The following SEL1L3 variants were observed in gnomAD, a reference collection of about 807,000 sequenced individuals.
SEL1L3 encodes SEL1L family member 3, also known as protein sel-1 homolog 3.
A neutral mutation model predicts 142.8 loss-of-function variants in SEL1L3; 76 were observed. That is an observed-to-expected ratio of 0.53 (90% CI 0.44 to 0.64). The LOEUF (loss-of-function observed/expected upper bound fraction) is 0.64, where lower values mean the gene tolerates loss of function less well. Ranked by LOEUF, SEL1L3 falls within the 30% of genes least tolerant of loss-of-function variation. The probability of loss-of-function intolerance (pLI) is 0.00; values close to 1 mark genes in which losing one functional copy is unlikely to be tolerated. For missense variants in SEL1L3, 1,262 were observed against 1,381.7 expected (o/e 0.91, Z 1.37); for synonymous variants, 504 against 519.6 (o/e 0.97, Z 0.41).
intron 2 of SEL1L3, among the ~76,000 whole-genome samples, chr4:25,839,541 A>G (rs1560347637): frequency 6.6e-6 from 1 of 152,204 alleles, no homozygotes; most frequent in Non-Finnish European, 1.5e-5. Flanking sequence ...GTACAGAAAA[A>G]TCTACTGTAT....
In SEL1L3 at chr4:25,748,216, T is replaced by C; in HGVS notation, c.*209A>G. ...TGCCCTATGATCAAGATGTTCCTTG[T>C]ATGTGTTTGATGACCTTTGGTATTA... is the stretch of plus-strand genomic sequence containing the variant. On this transcript the variant is annotated 3_prime_UTR_variant, in exon 24 of 24. Transcript: ENST00000399878. The C allele has an allele frequency of 2.5e-5, 14 of 554,882 alleles. No individual in the cohort carries two copies. The highest frequency in any genetic ancestry group is 2.9e-5 in the Non-Finnish European group (9 of 311,706). 34.4% of individuals were successfully genotyped at this position (554,882 alleles called of 1,614,324 possible). A position where few individuals can be genotyped will look rare whatever the true frequency, so the allele number is the denominator to read the frequency against.
chr4:25,764,014 G>A (rs1050777691), intron 20 of SEL1L3, among the ~76,000 whole-genome samples: 1 of 152,212 alleles, frequency 6.6e-6, no homozygotes, highest in African/African-American at 2.4e-5. Context: ...GTTCTCAAAA[G>A]AGGATTCCAA....
the SEL1L3 span, among the ~76,000 whole-genome samples, chr4:25,724,805 A>G: frequency 2.1e-3 from 320 of 151,540 alleles, 1 homozygote; most frequent in Non-Finnish European, 3.6e-3. Context: ...AGAAAGAAAA[A>G]GAAAAGATCC....
chr4:25,822,311 T>C (rs1714817715), intron 6 of SEL1L3, among the ~76,000 whole-genome samples, 183 bp from the exon 7 acceptor site: 1 of 152,212 alleles, frequency 6.6e-6, no homozygotes, highest in Non-Finnish European at 1.5e-5. Flanking sequence ...TTCTGCTGTT[T>C]ACCAGCTATG....
chr4:25,828,768 T>TA (rs1191431324), intron 6 of SEL1L3, among the ~76,000 whole-genome samples: 1 of 152,130 alleles, frequency 6.6e-6, no homozygotes, highest in Non-Finnish European at 1.5e-5. Flanking sequence ...TCCCTTTCGT[T>TA]AATAATCAGC....
intron 6 of SEL1L3, among the ~76,000 whole-genome samples, chr4:25,825,664 C>CAAT (rs1715042978): frequency 1.8e-5 from 2 of 108,236 alleles, no homozygotes; most frequent in Admixed American, 1.1e-4. Context: ...GGTCTAAATT[C>CAAT]TATTTTTTTT....
intron 12 of SEL1L3, among the ~76,000 whole-genome samples, chr4:25,789,267 T>C (rs994173904): frequency 6.6e-6 from 1 of 151,990 alleles, no homozygotes; most frequent in Non-Finnish European, 1.5e-5. Context: ...AAGACCCCTA[T>C]AGAGAGGAGG....
At chr4:25,756,253 A>G in intron 23 of SEL1L3, 1 of 985,346 alleles carries the variant, frequency 1.0e-6, no homozygotes, top group Non-Finnish European at 1.2e-6. Flanking sequence ...GATGGTAAAA[A>G]ATCAGTTTTC....
chr4:25,796,910 C>G (rs139792799), intron 11 of SEL1L3, among the ~76,000 whole-genome samples: 3 of 146,920 alleles, frequency 2.0e-5, no homozygotes, highest in Admixed American at 6.8e-5. Flanking sequence ...GACAGTGACG[C>G]GGGAAGGACA....
chr4:25,743,867 G>A (rs4697608), downstream of SEL1L3, among the ~76,000 whole-genome samples: 92,942 of 151,700 alleles, frequency 0.61, 29,008 homozygotes, highest in Middle Eastern at 0.73. Context: ...CCTACCCCAC[G>A]TTGCCTTTAC....
At chr4:25,749,958 G>A (rs557511207) in intron 23 of SEL1L3, among the ~76,000 whole-genome samples, 90 of 152,328 alleles carry the variant, frequency 5.9e-4, no homozygotes, top group African/African-American at 2.1e-3. Context: ...CACAGGCCGG[G>A]CGCCGTGGCT....
the SEL1L3 span, among the ~76,000 whole-genome samples, chr4:25,726,375 A>T: frequency 6.6e-6 from 1 of 151,968 alleles, no homozygotes; most frequent in African/African-American, 2.4e-5. Flanking sequence ...TAAAAATACA[A>T]AAATTAGCTG....
At chr4:25,767,333 G>T (rs1718813895) in intron 19 of SEL1L3, among the ~76,000 whole-genome samples, 192 bp downstream of exon 19, 1 of 152,102 alleles carries the variant, frequency 6.6e-6, no homozygotes, top group Non-Finnish European at 1.5e-5. Flanking sequence ...CACTCCACGG[G>T]ACAATGGGTG....
the SEL1L3 span, among the ~76,000 whole-genome samples, chr4:25,729,331 A>T: frequency 0.17 from 25,351 of 152,024 alleles, 2,968 homozygotes; most frequent in African/African-American, 0.34. Flanking sequence ...CAAAGTGAAC[A>T]TGGAATGTAT....
the SEL1L3 span, among the ~76,000 whole-genome samples, chr4:25,736,616 G>C: frequency 3.3e-5 from 5 of 152,254 alleles, no homozygotes; most frequent in Admixed American, 2.6e-4. Flanking sequence ...TGAAAAGAAA[G>C]TGTATTTTGC....
chr4:25,835,362 G>A, intron 2 of SEL1L3, 39 bp from the exon 3 acceptor site: 2 of 1,606,338 alleles, frequency 1.2e-6, no homozygotes, highest in East Asian at 2.2e-5. Flanking sequence ...ATTATATCCA[G>A]AAAAACATTC....
At chr4:25,757,410 G>A (rs1165859725) in intron 23 of SEL1L3, 124 bp downstream of exon 23, 1 of 719,474 alleles carries the variant, frequency 1.4e-6, no homozygotes. Flanking sequence ...ATAGGAGATA[G>A]CATGACCAAC....
chr4:25,745,013 TTTTGTTTG>T (rs150653131), downstream of SEL1L3, among the ~76,000 whole-genome samples: 1 of 151,280 alleles, frequency 6.6e-6, no homozygotes, highest in African/African-American at 2.5e-5. Context: ...ACATTAGGGT[TTTTGTTTG>T]TTTGTTTGTT....
At position 25,765,388 on chromosome 4, in the gene SEL1L3, A is replaced by T. The variant is rs777648595; in HGVS notation, c.2893T>A (p.Ser965Thr). 6.2e-7 allele frequency: 1 copy of T among 1,613,894 alleles called. No homozygotes were observed. The highest frequency in any genetic ancestry group is 1.1e-5 in the South Asian group (1 of 91,074). Residue 965 changes from serine to threonine, a missense_variant, in exon 20 of 24, where the codon TCA (serine) becomes ACA (threonine). Ser to Thr is a moderately conservative substitution (Grantham distance 58, BLOSUM62 1). Coordinates refer to ENST00000399878, the MANE Select transcript of SEL1L3 (RefSeq NM_015187.5). ...DLYYYGHQNQ[S>T]QDLELSVQMY... The stretch of plus-strand genomic sequence containing the variant: ...TGCACAGACAACTCCAGGTCTTGTG[A>T]CTGGTTTTGGTGGCCATAGTAGTAA...
Sources: gnomAD v4.1 joint callset for allele counts (sites outside exome capture counted in the v4.1 genomes callset) on GRCh38, gnomAD v4.1.1 for gene constraint, MANE v1.5 for transcripts, NCBI Gene and HGNC (gene_info 2026-07-23, HGNC 2026-07-21) for gene names.